IL4: variants seen among roughly 807,000 people sequenced by gnomAD.
The protein encoded by IL4 is interleukin 4.
A neutral mutation model predicts 17.4 loss-of-function variants in IL4; 10 were observed. The ratio of observed to expected loss-of-function variants is 0.57; its 90% CI spans 0.35 to 0.97. The LOEUF is 0.97. Ranked by LOEUF, IL4 falls within the 50% of genes least tolerant of loss-of-function variation. The pLI is 0.01. For synonymous variants in IL4, 87 were observed against 79.0 expected (o/e 1.10, Z -0.54); for missense variants, 174 against 187.7 (o/e 0.93, Z 0.43).
chr5:132,674,527 C>A, intron 2 of IL4, 21 bp downstream of exon 2: 2 of 1,607,730 alleles, frequency 1.2e-6, no homozygotes, highest in South Asian at 1.1e-5. Flanking sequence ...GTCCCACGGT[C>A]TGTTTTAGCA....
chr5:132,678,547 G>A (rs768611028), intron 2 of IL4, among the ~76,000 whole-genome samples: 1 of 152,128 alleles, frequency 6.6e-6, no homozygotes, highest in Admixed American at 6.5e-5. Context: ...CTTGGACAGC[G>A]CTGCTGATAG....
intron 2 of IL4, among the ~76,000 whole-genome samples, chr5:132,675,927 A>ATGTGTGTGTGTGTGTGTGTG (rs1338820933): frequency 4.9e-5 from 2 of 41,052 alleles, no homozygotes; most frequent in African/African-American, 1.3e-4. Context: ...ATGTGTATGT[A>ATGTGTGTGTGTGTGTGTGTG]TATGTGTGTG....
chr5:132,675,929 A>ATGTGTGTGTGTGTGTGTGTGTG (rs2234664), intron 2 of IL4, among the ~76,000 whole-genome samples: 1,672 of 140,954 alleles, frequency 0.012, 22 homozygotes, highest in African/African-American at 0.032. Context: ...GTGTATGTAT[A>ATGTGTGTGTGTGTGTGTGTGTG]TGTGTGTGTG....
At chr5:132,679,639 AT>A in intron 2 of IL4, 74 bp from the exon 3 acceptor site, 2 of 1,322,762 alleles carry the variant, frequency 1.5e-6, no homozygotes, top group Non-Finnish European at 2.1e-6. Flanking sequence ...GAAAGAAGAA[AT>A]CAAGAGGAAA....
At chr5:132,682,429 A>G in intron 3 of IL4, 57 bp from the exon 4 acceptor site, 1 of 1,026,596 alleles carries the variant, frequency 9.7e-7, no homozygotes, top group Non-Finnish European at 1.5e-6. Flanking sequence ...GATCAAGTAG[A>G]CAGGCAGGCA....
At position 132,680,395 on chromosome 5, in the gene IL4, G is replaced by A. The variant is rs185112131; in HGVS notation, c.360+505G>A. Among the ~76,000 whole-genome samples, 46 of 152,346 alleles carry A rather than the reference G, an allele frequency of 3.0e-4. No individual in the cohort carries two copies. Among genetic ancestry groups the A allele is most frequent in the Admixed American group, 3.3e-4 (5 of 15,308 alleles). On this transcript the variant is annotated intron_variant, in intron 3 of 3. Transcript: ENST00000231449. The surrounding 1 kb of genome is among the most constrained non-coding windows in gnomAD (Gnocchi z 4.3). Reference sequence around the variant, plus strand: ...GACCAGTAGGAAGGCCAGTGTGGCTGGATCAGAGTGAGTGAGGGGTAGTTT... The same window carrying A: ...GACCAGTAGGAAGGCCAGTGTGGCTAGATCAGAGTGAGTGAGGGGTAGTTT...
intron 3 of IL4, among the ~76,000 whole-genome samples, chr5:132,681,312 CAAGG>C (rs1752483757): frequency 6.6e-6 from 1 of 152,046 alleles, no homozygotes; most frequent in Admixed American, 6.6e-5. Flanking sequence ...TGAGGACACT[CAAGG>C]AGGGAGGGTT....
chr5:132,675,593 G>A (rs977664548), intron 2 of IL4, among the ~76,000 whole-genome samples: 10 of 150,278 alleles, frequency 6.7e-5, no homozygotes, highest in Non-Finnish European at 1.5e-4. Context: ...CTGTCACCCA[G>A]GCTGGAGTGC....
chr5:132,677,629 T>C (rs1752405025), intron 2 of IL4, among the ~76,000 whole-genome samples: 1 of 152,246 alleles, frequency 6.6e-6, no homozygotes, highest in South Asian at 2.1e-4. Flanking sequence ...TAGAGGGTTT[T>C]TTCCTATACT....
intron 3 of IL4, among the ~76,000 whole-genome samples, chr5:132,681,355 G>A (rs1752484243): frequency 6.6e-6 from 1 of 152,208 alleles, no homozygotes; most frequent in Admixed American, 6.5e-5. Flanking sequence ...GAAAGGACAG[G>A]TCAGGTGAGG....
intron 3 of IL4, 32 bp downstream of exon 3, chr5:132,679,922 C>T (rs775557663): frequency 4.4e-6 from 7 of 1,576,954 alleles, no homozygotes; most frequent in Admixed American, 1.8e-5. Flanking sequence ...GCAAGCCGGC[C>T]GCGTGGCTCC....
At chr5:132,678,008 G>T (rs1581044241) in intron 2 of IL4, 1 of 152,372 alleles carries the variant, frequency 6.6e-6, no homozygotes, top group East Asian at 1.9e-4. Context: ...CTCTGCCCAT[G>T]GGACATCACG....
At chr5:132,681,680 A>G (rs1035980423) in intron 3 of IL4, among the ~76,000 whole-genome samples, 8 of 152,132 alleles carry the variant, frequency 5.3e-5, no homozygotes, top group African/African-American at 1.4e-4. Flanking sequence ...CAGAAAGAGG[A>G]AGAATCATTA....
Position 132,682,558 on chromosome 5 carries a change from A to T in IL4, c.433A>T (p.Arg145Ter). 6.2e-7 allele frequency: 1 copy of T among 1,607,400 alleles called. No homozygotes were observed. Among genetic ancestry groups the T allele is most frequent in the Non-Finnish European group, 8.5e-7 (1 of 1,174,310 alleles). ...CTTGGAAAGGCTAAAGACGATCATG[A>T]GAGAGAAATATTCAAAGTGTTCGAG... is the stretch of plus-strand genomic sequence containing the variant. ...NFLERLKTIM[R>*]EKYSKCSS The change falls in exon 4 of 4, where the codon AGA becomes TGA. Residue 145 changes from arginine to a stop codon, truncating the protein, a stop_gained. Coordinates refer to ENST00000231449, the MANE Select transcript of IL4 (RefSeq NM_000589.4). LOFTEE classifies it high-confidence loss of function.
intron 2 of IL4, among the ~76,000 whole-genome samples, chr5:132,675,929 A>ATATGTGTGTGTGTGTGTGTGTGTGTG (rs150233516): frequency 1.3e-4 from 19 of 141,056 alleles, no homozygotes; most frequent in African/African-American, 5.2e-4. Flanking sequence ...GTGTATGTAT[A>ATATGTGTGTGTGTGTGTGTGTGTGTG]TGTGTGTGTG....
rs1752476295 is a variant in IL4 at position 132,680,922 on chromosome 5, C to T, written c.360+1032C>T. On this transcript the variant is annotated intron_variant, in intron 3 of 3. Transcript: ENST00000231449. The surrounding 1 kb of genome is among the most constrained non-coding windows in gnomAD (Gnocchi z 4.3). ...TGACCTCTTTGTTCCTGCCCAAACC[C>T]CTCTGGCGATGGTCAGTACTGTTTA... is the stretch of plus-strand genomic sequence containing the variant. Among the ~76,000 whole-genome samples the T allele has an allele frequency of 6.6e-6, 1 of 152,160 alleles. No homozygotes were observed. The highest frequency in any genetic ancestry group is 1.5e-5 in the Non-Finnish European group (1 of 68,036).
At chr5:132,676,664 A>G (rs1181606643) in intron 2 of IL4, among the ~76,000 whole-genome samples, 4 of 152,176 alleles carry the variant, frequency 2.6e-5, no homozygotes, top group African/African-American at 9.7e-5. Flanking sequence ...CTTCCCCTCG[A>G]AGATTCAGCA....
At chr5:132,675,300 T>C (rs930301277) in intron 2 of IL4, among the ~76,000 whole-genome samples, 2 of 152,206 alleles carry the variant, frequency 1.3e-5, no homozygotes, top group South Asian at 2.1e-4. Context: ...CGGCTGAGAA[T>C]GAAAGCCCCA....
At chr5:132,675,962 A>C (rs1752376978) in intron 2 of IL4, among the ~76,000 whole-genome samples, 1 of 85,456 alleles carries the variant, frequency 1.2e-5, no homozygotes, top group Non-Finnish European at 2.0e-5. Context: ...TGTGTATAAA[A>C]TCTCCAAGTC....
Sources: allele counts gnomAD v4.1 joint callset (sites outside exome capture counted in the v4.1 genomes callset), GRCh38; gene constraint gnomAD v4.1.1; non-coding constraint Gnocchi (gnomAD v3.1); transcripts MANE v1.5; gene names NCBI Gene and HGNC (gene_info 2026-07-23, HGNC 2026-07-21).